GRID2: variants seen among roughly 807,000 people sequenced by gnomAD.
GRID2 encodes glutamate receptor ionotropic, delta-2.
A neutral mutation model predicts 114.8 loss-of-function variants in GRID2; 33 were observed. The ratio of observed to expected loss-of-function variants is 0.29; its 90% CI spans 0.22 to 0.38. GRID2 has a LOEUF of 0.38. Ranked by LOEUF, GRID2 falls within the 10% of genes least tolerant of loss-of-function variation. The probability of loss-of-function intolerance (pLI) is 1.00; values close to 1 mark genes in which losing one functional copy is unlikely to be tolerated. For missense variants in GRID2, 1,184 were observed against 1,257.7 expected (o/e 0.94, Z 0.89); for synonymous variants, 505 against 449.9 (o/e 1.12, Z -1.55).
chr4:92,922,440 T>C (rs1399848799), intron 2 of GRID2, among the ~76,000 whole-genome samples: 2 of 152,162 alleles, frequency 1.3e-5, no homozygotes, highest in Non-Finnish European at 2.9e-5. Context: ...GTGTCGCTCA[T>C]GCTGGGAGCT....
chr4:93,304,726 G>A (rs1755241692), intron 8 of GRID2, among the ~76,000 whole-genome samples: 1 of 152,064 alleles, frequency 6.6e-6, no homozygotes. Flanking sequence ...AAAACAGCAT[G>A]CTTATTGCTT....
At chr4:92,967,487 ATG>A (rs2149165775) in intron 2 of GRID2, among the ~76,000 whole-genome samples, 1 of 151,682 alleles carries the variant, frequency 6.6e-6, no homozygotes, top group African/African-American at 2.4e-5. Flanking sequence ...ATTTATTTAT[ATG>A]TGTCATTTTT....
At chr4:93,371,908 C>T (rs191203358) in intron 8 of GRID2, among the ~76,000 whole-genome samples, 23 of 151,696 alleles carry the variant, frequency 1.5e-4, no homozygotes, top group African/African-American at 4.6e-4. Context: ...CCACCACACC[C>T]GGCTAATTTT....
chr4:92,480,312 T>TAA (rs1722519861), intron 1 of GRID2, among the ~76,000 whole-genome samples: 2 of 152,132 alleles, frequency 1.3e-5, no homozygotes, highest in South Asian at 4.1e-4. Context: ...AAATTTTATT[T>TAA]TCATAAGTTT....
intron 1 of GRID2, among the ~76,000 whole-genome samples, chr4:92,509,682 A>G (rs1436372566): frequency 6.6e-6 from 1 of 151,898 alleles, no homozygotes; most frequent in Non-Finnish European, 1.5e-5. Context: ...GAGTGGTTGA[A>G]AAGGGCATTT....
intron 2 of GRID2, among the ~76,000 whole-genome samples, chr4:92,972,669 C>A (rs1040175471): frequency 1.1e-4 from 16 of 151,604 alleles, no homozygotes. Flanking sequence ...GTAATCGTGT[C>A]ATGGGGGTTT....
chr4:92,705,376 C>T (rs1016139700), intron 2 of GRID2, among the ~76,000 whole-genome samples: 2 of 152,124 alleles, frequency 1.3e-5, no homozygotes, highest in Admixed American at 6.5e-5. Context: ...ACATACTACA[C>T]GCCAGGCATT....
chr4:93,629,282 T>A (rs1168757229), intron 14 of GRID2, among the ~76,000 whole-genome samples: 2 of 152,192 alleles, frequency 1.3e-5, no homozygotes, highest in Non-Finnish European at 2.9e-5. Flanking sequence ...GCAGTACAGA[T>A]GTTGGCAGTT....
At chr4:92,784,393 T>C (rs1026374143) in intron 2 of GRID2, among the ~76,000 whole-genome samples, 3 of 151,904 alleles carry the variant, frequency 2.0e-5, no homozygotes, top group Non-Finnish European at 4.4e-5. Context: ...GACTACCTGT[T>C]CATCCACATA....
At chr4:93,262,207 G>C (rs1306750767) in intron 8 of GRID2, among the ~76,000 whole-genome samples, 1 of 151,842 alleles carries the variant, frequency 6.6e-6, no homozygotes. Flanking sequence ...TCAAAAATTT[G>C]ACCAGTTACT....
In GRID2 at chr4:92,689,390, A is replaced by C. The variant is rs115821745; in HGVS notation, c.244+99104A>C. Among the ~76,000 whole-genome samples, 842 of 152,238 alleles carry C rather than the reference A, an allele frequency of 5.5e-3. 10 individuals are homozygous for C. Among genetic ancestry groups the C allele is most frequent in the African/African-American group, 0.019 (810 of 41,542 alleles). ...TTAGAATCTGTTATTTAATGTAGCC[A>C]CCTTCATCTATGATCTTAGCTAGCT... On this transcript the variant is annotated intron_variant, in intron 2 of 15. Coordinates refer to ENST00000282020, the MANE Select transcript of GRID2 (RefSeq NM_001510.4).
intron 13 of GRID2, among the ~76,000 whole-genome samples, chr4:93,542,690 T>C (rs189932263): frequency 1.3e-5 from 2 of 152,058 alleles, no homozygotes; most frequent in East Asian, 3.9e-4. Context: ...TGAGAAGAGG[T>C]GGGTCTGGTC....
At chr4:93,805,877 A>T (rs953082177) in intron 1 of GRID2, among the ~76,000 whole-genome samples, 2 of 152,188 alleles carry the variant, frequency 1.3e-5, no homozygotes, top group Non-Finnish European at 2.9e-5. Context: ...CAAGTGGATC[A>T]CCTGAGGTCT....
chr4:93,775,363 C>T (rs1734347872), downstream of GRID2, among the ~76,000 whole-genome samples: 2 of 152,196 alleles, frequency 1.3e-5, no homozygotes, highest in South Asian at 4.1e-4. Context: ...CCTTCAATCA[C>T]ACCAACATAG....
At chr4:92,571,872 A>G (rs1727641015) in intron 1 of GRID2, among the ~76,000 whole-genome samples, 2 of 152,244 alleles carry the variant, frequency 1.3e-5, no homozygotes, top group South Asian at 4.1e-4. Flanking sequence ...TCTCTGGGAC[A>G]CATTCAAGGC....
At chr4:92,775,111 T>C (rs1418234848) in intron 2 of GRID2, among the ~76,000 whole-genome samples, 2 of 152,108 alleles carry the variant, frequency 1.3e-5, no homozygotes, top group East Asian at 3.9e-4. Flanking sequence ...CATTTCACAT[T>C]TTAGTAAACC....
At chr4:93,494,780 T>G (rs958550509) in intron 12 of GRID2, among the ~76,000 whole-genome samples, 1 of 151,786 alleles carries the variant, frequency 6.6e-6, no homozygotes, top group Non-Finnish European at 1.5e-5. Flanking sequence ...AACATATAGT[T>G]AATTGTTTTC....
intron 8 of GRID2, among the ~76,000 whole-genome samples, chr4:93,350,665 A>G (rs1055081935): frequency 3.9e-5 from 6 of 152,006 alleles, no homozygotes; most frequent in Admixed American, 3.9e-4. Context: ...ATATAATTTA[A>G]TTTTCATAAT....
At chr4:93,496,400 A>T (rs2149467523) in intron 12 of GRID2, among the ~76,000 whole-genome samples, 1 of 151,538 alleles carries the variant, frequency 6.6e-6, no homozygotes, top group East Asian at 1.9e-4. Context: ...TGACATTGGT[A>T]CAATGTGTGC....
Sources: gnomAD v4.1 joint callset for allele counts (sites outside exome capture counted in the v4.1 genomes callset) on GRCh38, gnomAD v4.1.1 for gene constraint, MANE v1.5 for transcripts, NCBI Gene and HGNC (gene_info 2026-07-23, HGNC 2026-07-21) for gene names.